SGSM2: variants seen among roughly 807,000 people sequenced by gnomAD.
SGSM2 encodes small G protein signaling modulator 2.
In SGSM2, 89 loss-of-function variants were observed where a neutral mutation model predicts 126.6. The observed-to-expected ratio is 0.70, with a 90% CI of 0.59 to 0.84. SGSM2 has a LOEUF of 0.84. Among genes scored for constraint, SGSM2 ranks in the 40% least tolerant of loss-of-function variants. SGSM2 has a pLI of 0.00. For synonymous variants in SGSM2, 614 were observed against 574.3 expected (o/e 1.07, Z -0.99); for missense variants, 1,404 against 1,416.6 (o/e 0.99, Z 0.14).
intron 17 of SGSM2, chr17:2,375,248 C>T (rs941484013): frequency 9.0e-6 from 4 of 444,460 alleles, no homozygotes; most frequent in African/African-American, 6.0e-5. Context: ...ACAGGAAGAC[C>T]TGGGGCTGTT....
At chr17:2,376,307 C>CGCACT (rs200098096) in intron 19 of SGSM2, 46 bp downstream of exon 19, 1 of 1,610,776 alleles carries the variant, frequency 6.2e-7, no homozygotes. Context: ...GACCCTGCCG[C>CGCACT]CAGTTACTCT....
Position 2,363,658 on chromosome 17 carries a change from G to C in SGSM2, c.807+59G>C. 2.5e-6 allele frequency: 4 copies of C among 1,595,566 alleles called. 1 individual carries two copies. In the South Asian group the frequency reaches 4.5e-5, roughly 18 times the overall value. On this transcript the variant is annotated intron_variant, in intron 7 of 23. Coordinates refer to ENST00000268989, the MANE Select transcript of SGSM2 (RefSeq NM_014853.3). This position sits in a 1 kb window ranked among gnomAD's most constrained non-coding sequence, Gnocchi z 4.2. Reference sequence around the variant, plus strand: ...AGGTCCCCGAACGAGACGACTGGAAGCCTCTAGCCATGGCTATTCCTTTCC... The same window carrying C: ...AGGTCCCCGAACGAGACGACTGGAACCCTCTAGCCATGGCTATTCCTTTCC...
chr17:2,376,646 C>T, intron 19 of SGSM2, 87 bp from the exon 20 acceptor site: 1 of 1,404,016 alleles, frequency 7.1e-7, no homozygotes, highest in East Asian at 2.3e-5. Context: ...TTCTGGGCGG[C>T]AGGTGGCTCT....
At chr17:2,338,150 G>A (rs1291901771) in intron 1 of SGSM2, among the ~76,000 whole-genome samples, 1 of 152,094 alleles carries the variant, frequency 6.6e-6, no homozygotes, top group African/African-American at 2.4e-5. Flanking sequence ...TGCGGGCCGA[G>A]CTTCCCCACG....
chr17:2,376,824 T>C lies in SGSM2; in HGVS notation c.2692+9T>C, dbSNP rs1340765186. ...GGTCACCCTCGACAATGGTGAGGGA[T>C]GGCGGGACATGGGACTGGGCTGCGT... On this transcript the variant is annotated intron_variant, in intron 20 of 23. Transcript: ENST00000268989. The C allele has an allele frequency of 1.2e-6, 2 of 1,613,912 alleles. No individual in the cohort carries two copies.
Position 2,379,646 on chromosome 17 carries a change from G to A in SGSM2, c.*126G>A. 7 of 1,472,986 alleles carry A rather than the reference G, an allele frequency of 4.8e-6. No homozygotes were observed. Among genetic ancestry groups the A allele is most frequent in the Non-Finnish European group, 6.3e-6 (7 of 1,106,586 alleles). 91.2% of individuals were successfully genotyped at this position (1,472,986 alleles called of 1,614,324 possible). ...CCTCTGTTCCTAACAAAGCGGTTGT[G>A]AGCCTGGATCCGACTCCCGGCAGTG... On this transcript the variant is annotated 3_prime_UTR_variant, in exon 24 of 24. Coordinates refer to ENST00000268989, the MANE Select transcript of SGSM2 (RefSeq NM_014853.3).
intron 2 of SGSM2, among the ~76,000 whole-genome samples, chr17:2,353,460 C>T (rs905372198): frequency 6.6e-6 from 1 of 152,030 alleles, no homozygotes; most frequent in African/African-American, 2.4e-5. Flanking sequence ...AAATCAAAAC[C>T]ATATAAAAAG....
At position 2,361,788 on chromosome 17, in the gene SGSM2, A is replaced by G; in HGVS notation, c.285A>G (p.Gln95=). Residue 95 remains glutamine (Q), a synonymous_variant, in exon 3 of 24, where the codon CAA becomes CAG. Coordinates refer to ENST00000268989, the MANE Select transcript of SGSM2 (RefSeq NM_014853.3). Reference sequence around the variant, plus strand: ...ACAAGGTACAGGAGCTGCAGCAACAAGCAGAGGGCAGGTGAGCCCTGGGCC... The same window carrying G: ...ACAAGGTACAGGAGCTGCAGCAACAGGCAGAGGGCAGGTGAGCCCTGGGCC... ...ICHKVQELQQ[Q]AEGRKPSGVS... 2 of 1,607,020 alleles carry G rather than the reference A, an allele frequency of 1.2e-6. No homozygotes were observed. The highest frequency in any genetic ancestry group is 1.7e-6 in the Non-Finnish European group (2 of 1,176,776).
Position 2,380,414 on chromosome 17 carries a change from C to T in SGSM2, c.*894C>T, listed in dbSNP as rs958066035. ...CTCCCCTCAGAGACAGGCCTCAGTTCGAGGGCAGCCCATTATCTGTCGCAG... is the reference window on the plus strand; with the variant it reads ...CTCCCCTCAGAGACAGGCCTCAGTTTGAGGGCAGCCCATTATCTGTCGCAG... On this transcript the variant is annotated 3_prime_UTR_variant, in exon 24 of 24. Transcript: ENST00000268989. The T allele has an allele frequency of 2.6e-5, 27 of 1,026,810 alleles. No homozygotes were observed. The highest frequency in any genetic ancestry group is 2.0e-5 in the Admixed American group (1 of 49,704). 63.6% of individuals were successfully genotyped at this position (1,026,810 alleles called of 1,614,324 possible).
At chr17:2,378,975 C>A in intron 22 of SGSM2, 61 bp from the exon 23 acceptor site, 1 of 1,549,366 alleles carries the variant, frequency 6.5e-7, no homozygotes, top group Non-Finnish European at 8.7e-7. Flanking sequence ...AGCCTCAATC[C>A]CAGCCTCAGC....
In SGSM2 at chr17:2,367,483, T is replaced by C. The variant is rs2429910; in HGVS notation, c.1423+78T>C. ...GCCCGCCTGCCACCCACCACAGGGG[T>C]TCGAACGGCAGTGTTGGCATTAGGG... On this transcript the variant is annotated intron_variant, in intron 12 of 23. Coordinates refer to ENST00000268989, the MANE Select transcript of SGSM2 (RefSeq NM_014853.3). This position sits in a 1 kb window ranked among gnomAD's most constrained non-coding sequence, Gnocchi z 4.0. 0.5 allele frequency: 743,749 copies of C among 1,501,314 alleles called. 186,554 individuals carry two copies. The highest frequency in any genetic ancestry group is 0.79 in the East Asian group (34,165 of 43,392). 93.0% of individuals were successfully genotyped at this position (1,501,314 alleles called of 1,614,324 possible).
At position 2,337,787 on chromosome 17, in the gene SGSM2, C is replaced by A. The variant is rs749412903; in HGVS notation, c.57+42C>A. On this transcript the variant is annotated intron_variant, in intron 1 of 23. Transcript: ENST00000268989. The surrounding 1 kb of genome is among the most constrained non-coding windows in gnomAD (Gnocchi z 5.1). ...AACCCCGGGGGGCTCGCGCCCTGGC[C>A]CGCGCGGCCCAGGGGGCAGAAAGGT... is the stretch of plus-strand genomic sequence containing the variant. 2 of 1,458,096 alleles carry A rather than the reference C, an allele frequency of 1.4e-6. No homozygotes were observed. The highest frequency in any genetic ancestry group is 1.8e-6 in the Non-Finnish European group (2 of 1,089,754). 90.3% of individuals were successfully genotyped at this position (1,458,096 alleles called of 1,614,324 possible).
rs569880860 is a variant in SGSM2, at chr17:2,367,252, C to G, written c.1289-19C>G. ...ATGAGGGCCTCATGCCTCTGCCTCTCGCTGTTCTCTTTGAGCAGTCACTAT... is the reference window on the plus strand; with the variant it reads ...ATGAGGGCCTCATGCCTCTGCCTCTGGCTGTTCTCTTTGAGCAGTCACTAT... On this transcript the variant is annotated intron_variant, in intron 11 of 23. Coordinates refer to ENST00000268989, the MANE Select transcript of SGSM2 (RefSeq NM_014853.3). This position sits in a 1 kb window ranked among gnomAD's most constrained non-coding sequence, Gnocchi z 4.0. 1 of 1,607,340 alleles carries G rather than the reference C, an allele frequency of 6.2e-7. No individual in the cohort carries two copies. Among genetic ancestry groups the G allele is most frequent in the Non-Finnish European group, 8.5e-7 (1 of 1,176,890 alleles).
chr17:2,380,037 TGCGGGAGACCCGGGCACGGGAGACCCGG>T lies in SGSM2; in HGVS notation c.*520_*547del. On this transcript the variant is annotated 3_prime_UTR_variant, in exon 24 of 24. Coordinates refer to ENST00000268989, the MANE Select transcript of SGSM2 (RefSeq NM_014853.3). Reference sequence around the variant, plus strand: ...TTCTGGTTTAGGCACACGTCACGGGTGCGGGAGACCCGGGCACGGGAGACCCGGGCCGCCTTCAGGCCGCTCCCCCGAG... The same window carrying T: ...TTCTGGTTTAGGCACACGTCACGGGTGCCGCCTTCAGGCCGCTCCCCCGAG... The T allele has an allele frequency of 7.1e-7, 1 of 1,406,972 alleles. No individual in the cohort carries two copies. Among genetic ancestry groups the T allele is most frequent in the Admixed American group, 3.1e-5 (1 of 32,176 alleles). 87.2% of individuals were successfully genotyped at this position (1,406,972 alleles called of 1,614,324 possible). A position where few individuals can be genotyped will look rare whatever the true frequency, so the allele number is the denominator to read the frequency against.
chr17:2,351,028 G>A (rs1230898156), intron 2 of SGSM2, among the ~76,000 whole-genome samples: 3 of 152,100 alleles, frequency 2.0e-5, no homozygotes, highest in African/African-American at 7.2e-5. Flanking sequence ...TGAGGAGGGT[G>A]GATCACTTGA....
Position 2,379,463 on chromosome 17 carries a change from C to T in SGSM2, c.3099C>T (p.Ile1033=), listed in dbSNP as rs2066324428. The change falls in exon 24 of 24, where the codon ATC becomes ATT. Residue 1033 remains isoleucine (I), a synonymous_variant. Transcript: ENST00000268989. The part of the protein sequence containing the change: ...ERAEHHDAQE[I]LRIARDLVHK... ...CTGAGCATCACGATGCCCAGGAGATCCTGCGGATTGCCCGGGACCTCGTCC... is the reference window on the plus strand; with the variant it reads ...CTGAGCATCACGATGCCCAGGAGATTCTGCGGATTGCCCGGGACCTCGTCC... 1.2e-6 allele frequency: 2 copies of T among 1,613,562 alleles called. No individual in the cohort carries two copies. Among genetic ancestry groups the T allele is most frequent in the South Asian group, 2.2e-5 (2 of 91,072 alleles).
Position 2,365,212 on chromosome 17 carries a change from C to G in SGSM2, c.1162-3C>G. On this transcript the variant is annotated splice_region_variant and splice_polypyrimidine_tract_variant and intron_variant, in intron 10 of 23. Coordinates refer to ENST00000268989, the MANE Select transcript of SGSM2 (RefSeq NM_014853.3). ...GCCCGACCACCTACCCCTCCTTCCA[C>G]AGGGGAAAGTGTTCCCCAAGCTACG... 1 of 1,609,442 alleles carries G rather than the reference C, an allele frequency of 6.2e-7. No homozygotes were observed. The highest frequency in any genetic ancestry group is 1.1e-5 in the South Asian group (1 of 90,442).
chr17:2,364,940 G>C lies in SGSM2; in HGVS notation c.1044G>C (p.Gln348His), dbSNP rs757267185. The C allele has an allele frequency of 1.2e-6, 2 of 1,612,812 alleles. No individual in the cohort carries two copies. The highest frequency in any genetic ancestry group is 2.7e-5 in the African/African-American group (2 of 75,066). The change falls in exon 10 of 24, where the codon CAG becomes CAC. Residue 348 changes from glutamine to histidine, a missense_variant. Transcript: ENST00000268989. ...TLVLVSQDGIQRPPLHFPQGG... is the reference protein window; with the variant it reads ...TLVLVSQDGIHRPPLHFPQGG... The stretch of plus-strand genomic sequence containing the variant: ...TGCTGGTGAGCCAGGATGGCATCCA[G>C]AGGCCGCCGCTGCATTTCCCACAGG...
In SGSM2 at chr17:2,371,278, C is replaced by A. The variant is rs776267518; in HGVS notation, c.1440C>A (p.Ile480=). ...PNPMKDAGDM[I]EMQGFGPSLP... is the part of the protein sequence containing the mutation. Reference sequence around the variant, plus strand: ...TGCCCGCAGACGCTGGTGACATGATCGAGATGCAGGGCTTTGGGCCCAGCC... The same window carrying A: ...TGCCCGCAGACGCTGGTGACATGATAGAGATGCAGGGCTTTGGGCCCAGCC... Residue 480 remains isoleucine, a synonymous_variant, in exon 13 of 24, where the codon ATC becomes ATA. Transcript: ENST00000268989. 4 of 1,611,800 alleles carry A rather than the reference C, an allele frequency of 2.5e-6. No individual in the cohort carries two copies. Among genetic ancestry groups the A allele is most frequent in the African/African-American group, 1.3e-5 (1 of 74,918 alleles).
Sources: gnomAD v4.1 joint callset for allele counts (sites outside exome capture counted in the v4.1 genomes callset) on GRCh38, gnomAD v4.1.1 for gene constraint, Gnocchi (gnomAD v3.1) non-coding constraint, MANE v1.5 for transcripts, NCBI Gene and HGNC (gene_info 2026-07-23, HGNC 2026-07-21) for gene names.